SRRM4: variants seen among roughly 807,000 people sequenced by gnomAD.
SRRM4 encodes serine/arginine repetitive matrix 4, also known as serine/arginine repetitive matrix protein 4.
A neutral mutation model predicts 68.9 loss-of-function variants in SRRM4; 33 were observed. That is an observed-to-expected ratio of 0.48 (90% CI 0.36 to 0.64). The LOEUF (loss-of-function observed/expected upper bound fraction) is 0.64, where lower values mean the gene tolerates loss of function less well. SRRM4 is among the 30% of genes least tolerant of loss of function. The pLI is 0.00. For missense variants in SRRM4, 817 were observed against 827.1 expected (o/e 0.99, Z 0.15); for synonymous variants, 318 against 318.8 (o/e 1.00, Z 0.03).
At chr12:119,105,302 C>T (rs1472413421) in intron 2 of SRRM4, among the ~76,000 whole-genome samples, 1 of 152,072 alleles carries the variant, frequency 6.6e-6, no homozygotes, top group African/African-American at 2.4e-5. Flanking sequence ...GTCTTTATAG[C>T]AGCATGATTT....
Position 119,047,835 on chromosome 12 carries a change from T to C in SRRM4, c.132-54401T>C, listed in dbSNP as rs1420538153. 2.6e-5 allele frequency among the ~76,000 whole-genome samples: 4 copies of C among 152,186 alleles called. No homozygotes were observed. In the East Asian group the frequency reaches 7.7e-4, roughly 29 times the overall value. ...GAGCAGGTCACATGATCAACCCCAA[T>C]ACTGATAGGTGGACAAATAAGCCCA... is the stretch of plus-strand genomic sequence containing the variant. On this transcript the variant is annotated intron_variant, in intron 1 of 12. Transcript: ENST00000267260.
At chr12:119,146,090 T>C (rs1468274633) in intron 9 of SRRM4, among the ~76,000 whole-genome samples, 1 of 152,224 alleles carries the variant, frequency 6.6e-6, no homozygotes, top group African/African-American at 2.4e-5. Context: ...TGGTTCTGTT[T>C]GGCCCAGCTT....
At chr12:119,075,762 T>C (rs1305117535) in intron 1 of SRRM4, among the ~76,000 whole-genome samples, 10 of 132,798 alleles carry the variant, frequency 7.5e-5, no homozygotes, top group Non-Finnish European at 1.5e-4. Context: ...ATGATGATGG[T>C]GATGATGGTG....
At chr12:119,146,115 T>A (rs1954399955) in intron 9 of SRRM4, among the ~76,000 whole-genome samples, 1 of 152,182 alleles carries the variant, frequency 6.6e-6, no homozygotes, top group Admixed American at 6.5e-5. Flanking sequence ...CATCTGCCCA[T>A]CACTGTCCCA....
At chr12:119,006,249 ACT>A (rs2135995421) in intron 1 of SRRM4, among the ~76,000 whole-genome samples, 1 of 151,364 alleles carries the variant, frequency 6.6e-6, no homozygotes, top group East Asian at 1.9e-4. Flanking sequence ...TCTCAACTTA[ACT>A]CTTTCTCTCC....
intron 1 of SRRM4, among the ~76,000 whole-genome samples, chr12:119,067,401 G>A (rs1220740779): frequency 2.6e-5 from 4 of 152,066 alleles, no homozygotes; most frequent in Non-Finnish European, 4.4e-5. Flanking sequence ...GTCAGATCTT[G>A]GGCTCTAAAA....
intron 1 of SRRM4, among the ~76,000 whole-genome samples, chr12:119,038,677 A>G (rs987517980): frequency 3.9e-5 from 6 of 152,122 alleles, no homozygotes; most frequent in Non-Finnish European, 7.4e-5. Flanking sequence ...GACAGTATCA[A>G]GTGTTCTGGA....
chr12:119,061,062 T>C (rs942761424), intron 1 of SRRM4, among the ~76,000 whole-genome samples: 6 of 152,106 alleles, frequency 3.9e-5, no homozygotes, highest in Non-Finnish European at 7.4e-5. Context: ...TGTGTGTGTG[T>C]GGGCATGTGT....
At chr12:119,029,201 TC>T (rs2136005230) in intron 1 of SRRM4, among the ~76,000 whole-genome samples, 2 of 152,216 alleles carry the variant, frequency 1.3e-5, no homozygotes, top group Non-Finnish European at 2.9e-5. Flanking sequence ...CAGAACCTGC[TC>T]CCTTATTCCC....
rs141073610 is a variant in SRRM4, at chr12:119,054,083, C to A, written c.132-48153C>A. On this transcript the variant is annotated intron_variant, in intron 1 of 12. Transcript: ENST00000267260. ...GTAACCATCCTTCTACTCTCTATGTCCATGAGTTCAATTGTGTTTATTTTT... is the reference window on the plus strand; with the variant it reads ...GTAACCATCCTTCTACTCTCTATGTACATGAGTTCAATTGTGTTTATTTTT... 6.4e-3 allele frequency among the ~76,000 whole-genome samples: 969 copies of A among 152,266 alleles called. 18 individuals carry two copies. Among genetic ancestry groups the A allele is most frequent in the African/African-American group, 0.022 (906 of 41,544 alleles).
intron 1 of SRRM4, among the ~76,000 whole-genome samples, chr12:119,090,209 T>C (rs1404063777): frequency 1.3e-5 from 2 of 152,132 alleles, no homozygotes; most frequent in Non-Finnish European, 2.9e-5. Context: ...GATGGTTAAA[T>C]ACTTAACCAT....
At chr12:119,114,386 T>C (rs769817273) in intron 3 of SRRM4, 22 bp downstream of exon 3, 20 of 1,581,378 alleles carry the variant, frequency 1.3e-5, no homozygotes, top group African/African-American at 1.1e-4. Flanking sequence ...AAGAGGGAGA[T>C]AAAACCTGTA....
At chr12:118,998,740 T>C (rs1953365891) in intron 1 of SRRM4, among the ~76,000 whole-genome samples, 1 of 152,234 alleles carries the variant, frequency 6.6e-6, no homozygotes, top group Admixed American at 6.5e-5. Context: ...ATTAGGTTGA[T>C]CAATAGAAAT....
intron 1 of SRRM4, among the ~76,000 whole-genome samples, chr12:119,039,375 T>C (rs1188264475): frequency 6.6e-6 from 1 of 152,252 alleles, no homozygotes; most frequent in Non-Finnish European, 1.5e-5. Context: ...GATGGAATTA[T>C]AGGTGACATC....
chr12:119,159,445 C>T lies in SRRM4; in HGVS notation c.*2647C>T, dbSNP rs142750952. The T allele has an allele frequency of 6.6e-6, 1 of 152,208 alleles. No homozygotes were observed. Among genetic ancestry groups the T allele is most frequent in the Non-Finnish European group, 1.5e-5 (1 of 68,066 alleles). The allele number at this position is 152,208 out of a possible 1,614,324, so 9.4% of individuals were successfully genotyped here. Reference sequence around the variant, plus strand: ...CAGATTGGAGACAGATGTGCTATCTCCTAACAGAGTGATGAGGCTTCAGTT... The same window carrying T: ...CAGATTGGAGACAGATGTGCTATCTTCTAACAGAGTGATGAGGCTTCAGTT... On this transcript the variant is annotated 3_prime_UTR_variant, in exon 13 of 13. Coordinates refer to ENST00000267260, the MANE Select transcript of SRRM4 (RefSeq NM_194286.4).
At chr12:119,089,471 G>A (rs145141891) in intron 1 of SRRM4, among the ~76,000 whole-genome samples, 6 of 152,280 alleles carry the variant, frequency 3.9e-5, no homozygotes, top group African/African-American at 1.4e-4. Context: ...GCCTGGGTTG[G>A]CATTGAGAAA....
intron 7 of SRRM4, among the ~76,000 whole-genome samples, 172 bp downstream of exon 7, chr12:119,125,651 G>T (rs1954253930): frequency 6.6e-6 from 1 of 151,588 alleles, no homozygotes; most frequent in African/African-American, 2.4e-5. Context: ...CCTGGGTGCG[G>T]TGGCTCACGC....
Position 119,156,674 on chromosome 12 carries a change from G to T in SRRM4, c.1712G>T (p.Ser571Ile), listed in dbSNP as rs940472347. The T allele has an allele frequency of 1.3e-6, 2 of 1,562,364 alleles. No individual in the cohort carries two copies. Among genetic ancestry groups the T allele is most frequent in the Middle Eastern group, 2.2e-4 (1 of 4,534 alleles). The change falls in exon 13 of 13, where the codon AGC (serine) becomes ATC (isoleucine). Residue 571 changes from serine to isoleucine, a missense_variant. Coordinates refer to ENST00000267260, the MANE Select transcript of SRRM4 (RefSeq NM_194286.4). ...CGGACCCGCACGAGCAGCAGCTCTA[G>T]CTCCCGCAGCCCTAGTCCGGGCTCC... is the stretch of plus-strand genomic sequence containing the variant. Reference protein sequence around the residue: ...RSRTRTSSSSSSRSPSPGSRS... With the variant: ...RSRTRTSSSSISRSPSPGSRS...
Position 119,021,946 on chromosome 12 carries a change from G to A in SRRM4, c.131+39933G>A, listed in dbSNP as rs144297534. On this transcript the variant is annotated intron_variant, in intron 1 of 12. Transcript: ENST00000267260. ...TTATATTCCTTTGGGTATATACCCA[G>A]TAATGGGATTGCTGGGTCAAATGGT... Among the ~76,000 whole-genome samples the A allele has an allele frequency of 8.8e-3, 1,338 of 152,250 alleles. 26 individuals carry two copies. The highest frequency in any genetic ancestry group is 0.031 in the African/African-American group (1,279 of 41,540).
Sources: allele counts gnomAD v4.1 joint callset (sites outside exome capture counted in the v4.1 genomes callset), GRCh38; gene constraint gnomAD v4.1.1; transcripts MANE v1.5; gene names NCBI Gene and HGNC (gene_info 2026-07-23, HGNC 2026-07-21).